TTLL10: variants seen among roughly 807,000 people sequenced by gnomAD.
The protein encoded by TTLL10 is inactive polyglycylase TTLL10.
TTLL10 carries 61 observed loss-of-function variants against 69.0 expected under a neutral mutation model. That is an observed-to-expected ratio of 0.88 (90% CI 0.72 to 1.09). The LOEUF (loss-of-function observed/expected upper bound fraction) is 1.09. TTLL10 is among the 50% of genes least tolerant of loss of function. The probability of loss-of-function intolerance (pLI) is 0.00; values close to 1 mark genes in which losing one functional copy is unlikely to be tolerated. For missense variants in TTLL10, 962 were observed against 945.9 expected (o/e 1.02, Z -0.22); for synonymous variants, 408 against 393.3 (o/e 1.04, Z -0.44).
intron 3 of TTLL10, among the ~76,000 whole-genome samples, chr1:1,177,940 G>T (rs1646925175): frequency 6.6e-6 from 1 of 152,188 alleles, no homozygotes; most frequent in Non-Finnish European, 1.5e-5. Flanking sequence ...ACACAGGTGG[G>T]GGGCCCAGCC....
intron 3 of TTLL10, among the ~76,000 whole-genome samples, chr1:1,178,583 A>G (rs1415317806): frequency 6.6e-6 from 1 of 151,180 alleles, no homozygotes; most frequent in Non-Finnish European, 1.5e-5. Context: ...AAAAGTTCTC[A>G]CCTCCCAAGC....
intron 13 of TTLL10, among the ~76,000 whole-genome samples, chr1:1,188,406 T>A (rs764585335): frequency 1.9e-4 from 19 of 100,598 alleles, no homozygotes; most frequent in Non-Finnish European, 2.2e-4. Flanking sequence ...TCCAATGAAA[T>A]TTTTTTTTTT....
Position 1,177,252 on chromosome 1 carries a change from CTGTG to C in TTLL10, c.-27-1931_-27-1928del, listed in dbSNP as rs528776762. ...TGCATCTGTGCAAGTGTCGACATGT[CTGTG>C]TGTGTCTGTGTGTAGCTGTGTGTCT... On this transcript the variant is annotated intron_variant, in intron 3 of 15. Coordinates refer to ENST00000379289, the MANE Select transcript of TTLL10 (RefSeq NM_001130045.2). 6.7e-4 allele frequency among the ~76,000 whole-genome samples: 101 copies of C among 149,854 alleles called. No homozygotes were observed. In the East Asian group the frequency reaches 0.012, roughly 17 times the overall value.
At chr1:1,186,390 T>TGG (rs1557485854) in intron 13 of TTLL10, among the ~76,000 whole-genome samples, 1 of 152,198 alleles carries the variant, frequency 6.6e-6, no homozygotes, top group Non-Finnish European at 1.5e-5. Context: ...CACCCAGCCA[T>TGG]GTATCCCTTT....
chr1:1,184,627 C>T (rs999035442), intron 12 of TTLL10, among the ~76,000 whole-genome samples: 4 of 152,100 alleles, frequency 2.6e-5, no homozygotes, highest in African/African-American at 7.2e-5. Context: ...AGGTTAGGGG[C>T]GGCTGTCTCA....
Position 1,184,033 on chromosome 1 carries a change from T to C in TTLL10, c.1202T>C (p.Leu401Pro). 6.2e-7 allele frequency: 1 copy of C among 1,614,218 alleles called. No individual in the cohort carries two copies. The highest frequency in any genetic ancestry group is 8.5e-7 in the Non-Finnish European group (1 of 1,180,016). Residue 401 changes from leucine (L) to proline (P), a missense_variant, in exon 12 of 16, where the codon CTC becomes CCC. Transcript: ENST00000379289. ...MIFFGHGYAR[L>P]TLSLYDPHSS... ...TTCTTTGGCCACGGCTATGCTCGCC[T>C]CACCCTTAGCCTTTACGACCCCCAT...
At position 1,185,633 on chromosome 1, in the gene TTLL10, C is replaced by T. The variant is rs1334816045; in HGVS notation, c.1401+524C>T. The stretch of plus-strand genomic sequence containing the variant: ...TAGCAGCAAAGGCCCTTGAGCAGCG[C>T]GGTGTGAAACTGGGATAAAAACGGG... On this transcript the variant is annotated intron_variant, in intron 13 of 15. Transcript: ENST00000379289. This position sits in a 1 kb window ranked among gnomAD's most constrained non-coding sequence, Gnocchi z 6.1. 8 of 985,940 alleles carry T rather than the reference C, an allele frequency of 8.1e-6. No individual in the cohort carries two copies. The highest frequency in any genetic ancestry group is 4.7e-5 in the South Asian group (1 of 21,324). The allele number at this position is 985,940 out of a possible 1,614,324, so 61.1% of individuals were successfully genotyped here.
Position 1,181,705 on chromosome 1 carries a change from C to T in TTLL10, c.756-36C>T. The T allele has an allele frequency of 3.2e-6, 5 of 1,557,782 alleles. No individual in the cohort carries two copies. Among genetic ancestry groups the T allele is most frequent in the Non-Finnish European group, 4.3e-6 (5 of 1,150,414 alleles). On this transcript the variant is annotated intron_variant, in intron 8 of 15. Coordinates refer to ENST00000379289, the MANE Select transcript of TTLL10 (RefSeq NM_001130045.2). The surrounding 1 kb of genome is among the most constrained non-coding windows in gnomAD (Gnocchi z 4.6). Reference sequence around the variant, plus strand: ...ACCCGCTCCAAGCACCATGAGCTGGCCCCTCAGTCCAGGCCCTCTGTCCCC... The same window carrying T: ...ACCCGCTCCAAGCACCATGAGCTGGTCCCTCAGTCCAGGCCCTCTGTCCCC...
intron 13 of TTLL10, among the ~76,000 whole-genome samples, chr1:1,194,172 T>C (rs1270582054): frequency 1.3e-5 from 2 of 152,134 alleles, no homozygotes; most frequent in African/African-American, 4.8e-5. Flanking sequence ...AAAAAATGTT[T>C]TAAAATAAAC....
chr1:1,196,327 G>A (rs1459060687), intron 13 of TTLL10: 3 of 432,200 alleles, frequency 6.9e-6, no homozygotes, highest in East Asian at 4.1e-5. Flanking sequence ...TTTGCTATCC[G>A]TCTCTTCTGC....
chr1:1,182,860 G>A lies in TTLL10; in HGVS notation c.917-16G>A. On this transcript the variant is annotated splice_polypyrimidine_tract_variant and intron_variant, in intron 10 of 15. Coordinates refer to ENST00000379289, the MANE Select transcript of TTLL10 (RefSeq NM_001130045.2). Reference sequence around the variant, plus strand: ...GTTGGGGGCGAGGCCAGGGGCTCAGGCCGCGCTCTCTGCAGAAACCCAGAT... The same window carrying A: ...GTTGGGGGCGAGGCCAGGGGCTCAGACCGCGCTCTCTGCAGAAACCCAGAT... 1 of 1,549,664 alleles carries A rather than the reference G, an allele frequency of 6.5e-7. No individual in the cohort carries two copies. The highest frequency in any genetic ancestry group is 1.4e-5 in the African/African-American group (1 of 73,624).
At position 1,197,772 on chromosome 1, in the gene TTLL10, C is replaced by A; in HGVS notation, c.1947C>A (p.Asn649Lys). The A allele has an allele frequency of 6.5e-7, 1 of 1,535,188 alleles. No individual in the cohort carries two copies. The highest frequency in any genetic ancestry group is 8.8e-7 in the Non-Finnish European group (1 of 1,142,152). Residue 649 changes from asparagine (N) to lysine (K), a missense_variant, in exon 16 of 16, where the codon AAC (asparagine) becomes AAA (lysine). Transcript: ENST00000379289. ...GCACGGAGCAGTCGGGCACAGGCAA[C>A]AGGCACCCGGCGCAAGAGCCTTCCC... ...APGTEQSGTG[N>K]RHPAQEPSPG...
chr1:1,186,238 G>A (rs1205585553), intron 13 of TTLL10, among the ~76,000 whole-genome samples: 2 of 151,994 alleles, frequency 1.3e-5, no homozygotes, highest in Non-Finnish European at 2.9e-5. Context: ...ACAAGTGCCC[G>A]CCACCACGCG....
intron 10 of TTLL10, among the ~76,000 whole-genome samples, chr1:1,182,650 G>A (rs1315182892): frequency 1.3e-5 from 2 of 152,112 alleles, no homozygotes; most frequent in African/African-American, 4.8e-5. Flanking sequence ...TGGCCTTCGT[G>A]GAGGTTGGGG....
chr1:1,179,386 C>G, intron 4 of TTLL10, 53 bp downstream of exon 4: 3 of 1,493,978 alleles, frequency 2.0e-6, no homozygotes, highest in Non-Finnish European at 2.7e-6. Context: ...CAAGGCCTCC[C>G]TGGGACGGGT....
Position 1,181,528 on chromosome 1 carries a change from T to A in TTLL10, c.756-213T>A, listed in dbSNP as rs1420340736. 6.6e-6 allele frequency among the ~76,000 whole-genome samples: 1 copy of A among 152,088 alleles called. No homozygotes were observed. Among genetic ancestry groups the A allele is most frequent in the Non-Finnish European group, 1.5e-5 (1 of 68,024 alleles). On this transcript the variant is annotated intron_variant, in intron 8 of 15. Transcript: ENST00000379289. The surrounding 1 kb of genome is among the most constrained non-coding windows in gnomAD (Gnocchi z 4.6). ...TCTGCACCCCCCGCCCCTGGTTGCC[T>A]GTGACACCAGCTTTACACCATGTCC...
chr1:1,187,249 C>T (rs1168756863), intron 13 of TTLL10, among the ~76,000 whole-genome samples: 2 of 152,142 alleles, frequency 1.3e-5, no homozygotes, highest in Non-Finnish European at 2.9e-5. Context: ...TTGATAATGT[C>T]CTTTGACCAC....
rs1648317490 is a variant in TTLL10 at position 1,197,519 on chromosome 1, T to C, written c.1694T>C (p.Leu565Pro). 1.3e-6 allele frequency: 2 copies of C among 1,537,972 alleles called. No individual in the cohort carries two copies. The highest frequency in any genetic ancestry group is 1.7e-6 in the Non-Finnish European group (2 of 1,144,372). The change falls in exon 16 of 16, where the codon CTG (leucine) becomes CCG (proline). Residue 565 changes from leucine (L) to proline (P), a missense_variant. Physicochemically the swap from Leu to Pro is moderately conservative, Grantham distance 98 (BLOSUM62 -3). Transcript: ENST00000379289. The part of the protein sequence containing the change: ...PLLSQRRFVL[L>P]HNGEADPRPH... ...CTGTCCCAGCGCCGCTTCGTGCTCC[T>C]GCACAACGGTGAGGCCGACCCGCGG...
chr1:1,197,405 C>T (rs2274792), intron 15 of TTLL10, 33 bp from the exon 16 acceptor site: 195,978 of 1,456,644 alleles, frequency 0.13, 20,346 homozygotes, highest in East Asian at 0.58. Context: ...AGCCTCTGCC[C>T]CCCACTCACC....
Sources: allele counts gnomAD v4.1 joint callset (sites outside exome capture counted in the v4.1 genomes callset), GRCh38; gene constraint gnomAD v4.1.1; non-coding constraint Gnocchi (gnomAD v3.1); transcripts MANE v1.5; gene names NCBI Gene and HGNC (gene_info 2026-07-23, HGNC 2026-07-21).